ACOT11: variants seen among roughly 807,000 people sequenced by gnomAD.
The protein encoded by ACOT11 is acyl-coenzyme A thioesterase 11.
ACOT11 carries 69 observed loss-of-function variants against 77.5 expected under a neutral mutation model. That is an observed-to-expected ratio of 0.89 (90% CI 0.73 to 1.09). The LOEUF (loss-of-function observed/expected upper bound fraction) is 1.09. Ranked by LOEUF, ACOT11 falls within the 50% of genes least tolerant of loss-of-function variation. The pLI, the probability that ACOT11 is intolerant of heterozygous loss-of-function variation, is 0.00. For missense variants in ACOT11, 766 were observed against 813.7 expected, an observed-to-expected ratio of 0.94 and a Z score of 0.71; for synonymous variants, 279 against 313.0, an observed-to-expected ratio of 0.89 and a Z score of 1.15.
intron 11 of ACOT11, among the ~76,000 whole-genome samples, 173 bp from the exon 12 acceptor site, chr1:54,604,173 G>C (rs1483075046): frequency 6.6e-6 from 1 of 152,114 alleles, no homozygotes; most frequent in Non-Finnish European, 1.5e-5. Flanking sequence ...CCAAGCCCAA[G>C]CCTGGACCTC....
In ACOT11 at chr1:54,609,155, G is replaced by A; in HGVS notation, c.*43G>A. 6.2e-7 allele frequency: 1 copy of A among 1,612,798 alleles called. No individual in the cohort carries two copies. Among genetic ancestry groups the A allele is most frequent in the South Asian group, 1.1e-5 (1 of 90,838 alleles). On this transcript the variant is annotated 3_prime_UTR_variant, in exon 16 of 16. Coordinates refer to ENST00000343744, the MANE Select transcript of ACOT11 (RefSeq NM_147161.4). ...ATCATGCCCACTCCCACTCCATCCT[G>A]TCCCCAAGGACTCACATACAGTGCC...
In ACOT11 at chr1:54,610,261, C is replaced by G; in HGVS notation, c.*1149C>G. On this transcript the variant is annotated 3_prime_UTR_variant, in exon 16 of 16. Coordinates refer to ENST00000343744, the MANE Select transcript of ACOT11 (RefSeq NM_147161.4). Reference sequence around the variant, plus strand: ...CTCTTGACATCACTGTACTCCCTCTCCCTCCCCGCAACCCTGCCCCACCTT... The same window carrying G: ...CTCTTGACATCACTGTACTCCCTCTGCCTCCCCGCAACCCTGCCCCACCTT... The G allele has an allele frequency of 6.1e-6, 9 of 1,475,734 alleles. No individual in the cohort carries two copies. In the South Asian group the frequency reaches 1.1e-4, roughly 18 times the overall value. The allele number at this position is 1,475,734 out of a possible 1,614,324, so 91.4% of individuals were successfully genotyped here.
chr1:54,561,199 A>T (rs1653469904), intron 1 of ACOT11, among the ~76,000 whole-genome samples: 1 of 138,456 alleles, frequency 7.2e-6, no homozygotes, highest in African/African-American at 2.8e-5. Context: ...AGGTCAGCAG[A>T]TAAACAAGTG....
intron 1 of ACOT11, among the ~76,000 whole-genome samples, chr1:54,575,528 C>T (rs942216367): frequency 6.6e-6 from 1 of 152,058 alleles, no homozygotes; most frequent in African/African-American, 2.4e-5. Context: ...CCATATTCTC[C>T]CTGCCTGTGT....
Position 54,609,294 on chromosome 1 carries a change from A to C in ACOT11, c.*182A>C, listed in dbSNP as rs200568107. ...CAGTTTCTACCAACATGAGCCAGCA[A>C]GTCCTTGTGGTAGCCCTGGGGTAGC... On this transcript the variant is annotated 3_prime_UTR_variant, in exon 16 of 16. Transcript: ENST00000343744. 41 of 1,608,374 alleles carry C rather than the reference A, an allele frequency of 2.5e-5. No individual in the cohort carries two copies. The East Asian group carries it at 9.0e-4, about 35-fold the overall frequency.
chr1:54,573,816 G>C (rs1654005592), intron 1 of ACOT11, among the ~76,000 whole-genome samples: 1 of 152,134 alleles, frequency 6.6e-6, no homozygotes, highest in African/African-American at 2.4e-5. Context: ...GATTACCTGA[G>C]GTCAGGAGTT....
At chr1:54,590,385 G>A (rs1407738659) in intron 3 of ACOT11, among the ~76,000 whole-genome samples, 15 of 152,108 alleles carry the variant, frequency 9.9e-5, no homozygotes, top group Non-Finnish European at 1.9e-4. Flanking sequence ...CGGGAGCTCC[G>A]GGGCCCTGAG....
rs1386383299 is a variant in ACOT11, at chr1:54,607,761, C to T, written c.1503-181C>T. 6.6e-6 allele frequency among the ~76,000 whole-genome samples: 1 copy of T among 152,098 alleles called. No homozygotes were observed. The highest frequency in any genetic ancestry group is 1.5e-5 in the Non-Finnish European group (1 of 68,010). ...GAATTCAGTGCTAACCCACAGGTAC[C>T]TCCTCCCTCCAGCCTGGCCCTGAGC... On this transcript the variant is annotated intron_variant, in intron 14 of 15. Transcript: ENST00000343744. This position sits in a 1 kb window ranked among gnomAD's most constrained non-coding sequence, Gnocchi z 4.5.
At chr1:54,549,304 A>T (rs1652982516) in intron 1 of ACOT11, among the ~76,000 whole-genome samples, 1 of 152,118 alleles carries the variant, frequency 6.6e-6, no homozygotes, top group African/African-American at 2.4e-5. Flanking sequence ...ACTTGAGACG[A>T]AGGGATGTTG....
At chr1:54,572,806 C>T (rs959177804) in intron 1 of ACOT11, among the ~76,000 whole-genome samples, 1 of 152,212 alleles carries the variant, frequency 6.6e-6, no homozygotes, top group Non-Finnish European at 1.5e-5. Flanking sequence ...GAGCCCTCTG[C>T]TTCTGGGAGC....
chr1:54,614,945 T>TGTGTGC (rs78332957), downstream of ACOT11: 23 of 1,296,690 alleles, frequency 1.8e-5, no homozygotes, highest in Middle Eastern at 3.8e-4. Context: ...AGCGGGTGTG[T>TGTGTGC]GTGTGTGTGC....
chr1:54,560,695 C>T (rs1653440443), intron 1 of ACOT11, among the ~76,000 whole-genome samples: 1 of 151,538 alleles, frequency 6.6e-6, no homozygotes, highest in African/African-American at 2.4e-5. Context: ...ACCTAGCAAC[C>T]AAAAGAACAA....
chr1:54,571,545 T>C (rs1653931377), intron 1 of ACOT11, among the ~76,000 whole-genome samples: 3 of 152,122 alleles, frequency 2.0e-5, no homozygotes, highest in African/African-American at 7.2e-5. Flanking sequence ...ATGCCCAGAT[T>C]TGGCAGCTTG....
chr1:54,591,099 C>T (rs763195587), intron 3 of ACOT11, among the ~76,000 whole-genome samples: 7 of 152,132 alleles, frequency 4.6e-5, no homozygotes, highest in Non-Finnish European at 1.0e-4. Context: ...TTGCAGACAT[C>T]GTGATGCTTC....
Position 54,604,374 on chromosome 1 carries a change from CCTT to C in ACOT11, c.1182_1184del (p.Leu395del), listed in dbSNP as rs752534671. 13 of 1,614,074 alleles carry C rather than the reference CCTT, an allele frequency of 8.1e-6. No homozygotes were observed. The East Asian group carries it at 2.9e-4, about 36-fold the overall frequency. On this transcript the variant is annotated inframe_deletion, in exon 12 of 16. Coordinates refer to ENST00000343744, the MANE Select transcript of ACOT11 (RefSeq NM_147161.4). ...TACCTGAGCTACAATAACGTCTCCTCCTTGAAGATGCTTGTGGCCAAGGACAAC... is the reference window on the plus strand; with the variant it reads ...TACCTGAGCTACAATAACGTCTCCTCGAAGATGCTTGTGGCCAAGGACAAC...
intron 1 of ACOT11, among the ~76,000 whole-genome samples, chr1:54,578,928 C>T (rs1297613492): frequency 6.6e-6 from 1 of 151,866 alleles, no homozygotes; most frequent in Non-Finnish European, 1.5e-5. Context: ...AATAACTGTT[C>T]ACCAAATGAA....
In ACOT11 at chr1:54,566,254, C is replaced by T. The variant is rs138974171; in HGVS notation, c.33+17912C>T. On this transcript the variant is annotated intron_variant, in intron 1 of 15. Transcript: ENST00000343744. Reference sequence around the variant, plus strand: ...GGCGGATCACTTGAAGTCAGGAGTTCGAGAGCAGCCTGACCAACATGGTGA... The same window carrying T: ...GGCGGATCACTTGAAGTCAGGAGTTTGAGAGCAGCCTGACCAACATGGTGA... 4.9e-3 allele frequency among the ~76,000 whole-genome samples: 752 copies of T among 152,164 alleles called. 7 individuals carry two copies. The highest frequency in any genetic ancestry group is 0.017 in the African/African-American group (720 of 41,512).
intron 1 of ACOT11, among the ~76,000 whole-genome samples, chr1:54,562,360 T>C (rs1384314890): frequency 3.9e-4 from 23 of 58,826 alleles, no homozygotes; most frequent in South Asian, 7.2e-4. Context: ...CTGGCCGGGC[T>C]GAGGGGCTCC....
At chr1:54,565,340 A>AG (rs1482685242) in intron 1 of ACOT11, among the ~76,000 whole-genome samples, 1 of 152,184 alleles carries the variant, frequency 6.6e-6, no homozygotes, top group Non-Finnish European at 1.5e-5. Flanking sequence ...ATCATGCAGA[A>AG]GGTAGGAGTG....
Sources: allele counts gnomAD v4.1 joint callset (sites outside exome capture counted in the v4.1 genomes callset), GRCh38; gene constraint gnomAD v4.1.1; non-coding constraint Gnocchi (gnomAD v3.1); transcripts MANE v1.5; gene names NCBI Gene and HGNC (gene_info 2026-07-23, HGNC 2026-07-21).